The following SLC38A11 variants were observed in gnomAD, a reference collection of about 807,000 sequenced individuals.
SLC38A11 encodes the protein solute carrier family 38 member 11.
Under a neutral mutation model 49.4 loss-of-function variants are expected in SLC38A11, and 51 were observed. The observed-to-expected ratio is 1.03, with a 90% CI of 0.83 to 1.30. SLC38A11 has a LOEUF of 1.30. Ranked by LOEUF, SLC38A11 falls within the 50% of genes most tolerant of loss-of-function variation. SLC38A11 has a pLI of 0.00. For missense variants in SLC38A11, 574 were observed against 556.2 expected, an observed-to-expected ratio of 1.03 and a Z score of -0.32; for synonymous variants, 203 against 192.9, an observed-to-expected ratio of 1.05 and a Z score of -0.43.
chr2:164,929,998 T>G (rs1426251173), intron 7 of SLC38A11, among the ~76,000 whole-genome samples: 3 of 150,130 alleles, frequency 2.0e-5, no homozygotes, highest in Admixed American at 6.6e-5. Context: ...CAAAAATAGA[T>G]AGCCAGCTAG....
At chr2:164,925,160 A>G (rs1686482717) in intron 7 of SLC38A11, among the ~76,000 whole-genome samples, 2 of 152,168 alleles carry the variant, frequency 1.3e-5, no homozygotes, top group Non-Finnish European at 2.9e-5. Context: ...TTTAATTCTT[A>G]TTCTGTCACC....
At chr2:164,941,707 A>G (rs1307637544) in intron 5 of SLC38A11, among the ~76,000 whole-genome samples, 1 of 152,156 alleles carries the variant, frequency 6.6e-6, no homozygotes, top group African/African-American at 2.4e-5. Context: ...TTAACAATCA[A>G]AATGTTTCTA....
At chr2:164,911,778 A>G in intron 9 of SLC38A11, 30 bp from the exon 10 acceptor site, 1 of 1,261,770 alleles carries the variant, frequency 7.9e-7, no homozygotes. Flanking sequence ...AAGTTTATTT[A>G]CTAGATACTA....
At chr2:164,942,445 A>C (rs1294503413) in intron 5 of SLC38A11, among the ~76,000 whole-genome samples, 1 of 151,370 alleles carries the variant, frequency 6.6e-6, no homozygotes, top group East Asian at 1.9e-4. Flanking sequence ...AAAAAAAAAA[A>C]AACAAAAACA....
chr2:164,923,886 C>G (rs1351635667), intron 7 of SLC38A11, among the ~76,000 whole-genome samples: 1 of 151,972 alleles, frequency 6.6e-6, no homozygotes, highest in Non-Finnish European at 1.5e-5. Flanking sequence ...ATTAGTGCAG[C>G]CACTGTGGAA....
At chr2:164,952,643 T>C in intron 3 of SLC38A11, 64 bp downstream of exon 3, 1 of 956,276 alleles carries the variant, frequency 1.0e-6, no homozygotes, top group Non-Finnish European at 1.7e-6. Flanking sequence ...TGTGTGTGTG[T>C]GTGTATGTGT....
chr2:164,946,939 G>A (rs1029794270), intron 3 of SLC38A11, among the ~76,000 whole-genome samples: 6 of 151,682 alleles, frequency 4.0e-5, no homozygotes, highest in African/African-American at 1.5e-4. Context: ...CTGCTCTTTC[G>A]GAACACTGTT....
At chr2:164,939,331 A>G in intron 6 of SLC38A11, 119 bp downstream of exon 6, 1 of 598,348 alleles carries the variant, frequency 1.7e-6, no homozygotes, top group Admixed American at 3.4e-5. Context: ...TAGCATCACC[A>G]TTAAGTAAAC....
At chr2:164,930,018 G>C (rs953316602) in intron 7 of SLC38A11, among the ~76,000 whole-genome samples, 2 of 150,272 alleles carry the variant, frequency 1.3e-5, no homozygotes, top group African/African-American at 4.9e-5. Context: ...GACTAATAAA[G>C]ATGAAAAGCA....
At position 164,920,276 on chromosome 2, in the gene SLC38A11, G is replaced by A. The variant is rs9678710; in HGVS notation, c.618-4303C>T. On this transcript the variant is annotated intron_variant, in intron 7 of 11. Transcript: ENST00000685975. ...AGCCTGGGTGACAGAGCAAGACTCC[G>A]TTAAAAAAAAAAAAAAAAAGAAAGG... is the stretch of plus-strand genomic sequence containing the variant. 7.8e-3 allele frequency among the ~76,000 whole-genome samples: 624 copies of A among 79,656 alleles called. 3 individuals are homozygous for A. The highest frequency in any genetic ancestry group is 0.027 in the African/African-American group (602 of 22,078). 52.3% of individuals were successfully genotyped at this position (79,656 alleles called of 152,430 possible). A position where few individuals can be genotyped will look rare whatever the true frequency, so the allele number is the denominator to read the frequency against.
chr2:164,904,550 G>A (rs1259827905), intron 11 of SLC38A11, among the ~76,000 whole-genome samples: 1 of 152,082 alleles, frequency 6.6e-6, no homozygotes, highest in Non-Finnish European at 1.5e-5. Flanking sequence ...CATCTGTGAA[G>A]CTCATTATTC....
chr2:164,929,162 T>G (rs1686807325), intron 7 of SLC38A11, among the ~76,000 whole-genome samples: 1 of 152,120 alleles, frequency 6.6e-6, no homozygotes, highest in South Asian at 2.1e-4. Flanking sequence ...ATCACTCACT[T>G]ACATCTTAAT....
chr2:164,946,827 GT>G (rs1301409534), intron 3 of SLC38A11, among the ~76,000 whole-genome samples: 1 of 151,970 alleles, frequency 6.6e-6, no homozygotes, highest in Non-Finnish European at 1.5e-5. Flanking sequence ...TTGCAATATG[GT>G]TTCCCCCTGA....
At chr2:164,933,457 G>A (rs1224638903) in intron 7 of SLC38A11, among the ~76,000 whole-genome samples, 24 of 151,902 alleles carry the variant, frequency 1.6e-4, no homozygotes, top group Non-Finnish European at 5.9e-5. Context: ...ATCTGAAATC[G>A]TATCAAAAAG....
At position 164,915,905 on chromosome 2, in the gene SLC38A11, A is replaced by C. The variant is rs1321860613; in HGVS notation, c.686T>G (p.Phe229Cys). 1 of 1,599,516 alleles carries C rather than the reference A, an allele frequency of 6.3e-7. No homozygotes were observed. Among genetic ancestry groups the C allele is most frequent in the South Asian group, 1.1e-5 (1 of 89,182 alleles). Residue 229 changes from phenylalanine to cysteine, a missense_variant and splice_region_variant, in exon 8 of 12, where the codon TTT (phenylalanine) becomes TGT (cysteine). Coordinates refer to ENST00000685975, the MANE Select transcript of SLC38A11 (RefSeq NM_001351537.2). Reference protein sequence around the residue: ...NAIQAVGVMSFAFICHHNSFL... With the variant: ...NAIQAVGVMSCAFICHHNSFL... ...GGCCTTTGAAACCAAATACTCACCA[A>C]AAGACATAACCCCGACCGCTTGAAT...
intron 7 of SLC38A11, among the ~76,000 whole-genome samples, chr2:164,923,657 C>A (rs139771209): frequency 6.6e-6 from 1 of 151,878 alleles, no homozygotes; most frequent in Non-Finnish European, 1.5e-5. Context: ...ATTAGCCACG[C>A]GTGGTGGTGC....
chr2:164,947,583 T>A (rs1365824198), intron 3 of SLC38A11, among the ~76,000 whole-genome samples: 1 of 152,158 alleles, frequency 6.6e-6, no homozygotes, highest in Admixed American at 6.5e-5. Context: ...TAATAAATAT[T>A]TTGCTTTGAA....
At chr2:164,938,052 G>A (rs1687497535) in intron 6 of SLC38A11, among the ~76,000 whole-genome samples, 1 of 151,942 alleles carries the variant, frequency 6.6e-6, no homozygotes, top group African/African-American at 2.4e-5. Context: ...GTGTGTCTGT[G>A]CCCGGTGCAC....
intron 7 of SLC38A11, among the ~76,000 whole-genome samples, chr2:164,934,312 A>T (rs1687208883): frequency 6.6e-6 from 1 of 152,184 alleles, no homozygotes; most frequent in South Asian, 2.1e-4. Context: ...ACAAAACAGT[A>T]ACTAAAATAA....
Sources: gnomAD v4.1 joint callset for allele counts (sites outside exome capture counted in the v4.1 genomes callset) on GRCh38, gnomAD v4.1.1 for gene constraint, MANE v1.5 for transcripts, NCBI Gene and HGNC (gene_info 2026-07-23, HGNC 2026-07-21) for gene names.